The following PRR16 variants were observed in gnomAD, a reference collection of about 807,000 sequenced individuals.
PRR16 encodes the protein proline rich 16.
In PRR16, 6 loss-of-function variants were observed where a neutral mutation model predicts 18.2. That is an observed-to-expected ratio of 0.33 (90% confidence interval 0.18 to 0.65). The LOEUF is 0.65. Ranked by LOEUF, PRR16 falls within the 30% of genes least tolerant of loss-of-function variation. The pLI is 0.74. For synonymous variants in PRR16, 151 were observed against 147.8 expected (o/e 1.02, Z -0.16); for missense variants, 412 against 376.6 (o/e 1.09, Z -0.78).
chr5:120,671,786 G>A (rs1756614706), intron 1 of PRR16, among the ~76,000 whole-genome samples: 2 of 151,980 alleles, frequency 1.3e-5, no homozygotes, highest in African/African-American at 4.8e-5. Context: ...CTATGAAAGT[G>A]CCATACTTTT....
At chr5:120,584,296 A>G (rs1753367699) in intron 1 of PRR16, among the ~76,000 whole-genome samples, 1 of 152,208 alleles carries the variant, frequency 6.6e-6, no homozygotes, top group Admixed American at 6.5e-5. Flanking sequence ...ACTATCTTAG[A>G]GACTTGGTAA....
At chr5:120,633,796 A>C (rs1276447472) in intron 1 of PRR16, among the ~76,000 whole-genome samples, 1 of 12,530 alleles carries the variant, frequency 8.0e-5, no homozygotes, top group Non-Finnish European at 3.7e-4. Context: ...TTTGTAAAAC[A>C]GTTACTACTA....
chr5:120,570,202 T>C (rs1256498772), intron 1 of PRR16, among the ~76,000 whole-genome samples: 1 of 152,092 alleles, frequency 6.6e-6, no homozygotes, highest in East Asian at 1.9e-4. Context: ...GATCTCTAAA[T>C]GGCTTACCTA....
intron 1 of PRR16, among the ~76,000 whole-genome samples, chr5:120,549,513 G>C (rs1039248795): frequency 2.0e-5 from 3 of 151,836 alleles, no homozygotes; most frequent in Non-Finnish European, 2.9e-5. Context: ...ATCTCAGACT[G>C]GGTTGTAAGA....
chr5:120,743,627 G>C, the PRR16 span, among the ~76,000 whole-genome samples: 1 of 151,926 alleles, frequency 6.6e-6, no homozygotes, highest in Non-Finnish European at 1.5e-5. Flanking sequence ...TAATAGTTTT[G>C]TAGCAGATGT....
At chr5:120,760,505 C>A in the PRR16 span, among the ~76,000 whole-genome samples, 1 of 151,878 alleles carries the variant, frequency 6.6e-6, no homozygotes, top group Non-Finnish European at 1.5e-5. Context: ...AAACAAGAAA[C>A]CCCTTGTTTT....
intron 1 of PRR16, among the ~76,000 whole-genome samples, chr5:120,580,165 G>A (rs762941947): frequency 9.9e-5 from 15 of 152,138 alleles, no homozygotes; most frequent in African/African-American, 3.6e-4. Context: ...ATAAAATCAT[G>A]TCATCTGCAA....
At chr5:120,655,975 C>T (rs530606922) in intron 1 of PRR16, among the ~76,000 whole-genome samples, 1 of 151,668 alleles carries the variant, frequency 6.6e-6, no homozygotes, top group Non-Finnish European at 1.5e-5. Flanking sequence ...GTTACTGAAC[C>T]GAGCCTTTTA....
At chr5:120,773,065 C>T in the PRR16 span, among the ~76,000 whole-genome samples, 1 of 152,172 alleles carries the variant, frequency 6.6e-6, no homozygotes, top group Non-Finnish European at 1.5e-5. Flanking sequence ...ACTTCTGAAA[C>T]AAAGGAATGT....
chr5:120,654,012 C>T (rs1015441467), intron 1 of PRR16, among the ~76,000 whole-genome samples: 7 of 152,016 alleles, frequency 4.6e-5, no homozygotes, highest in Non-Finnish European at 1.0e-4. Context: ...AGGCAAATGA[C>T]CACCCTGTCC....
the PRR16 span, among the ~76,000 whole-genome samples, chr5:120,777,708 A>C: frequency 2.0e-5 from 3 of 152,116 alleles, no homozygotes; most frequent in Non-Finnish European, 4.4e-5. Context: ...TTCATTATAC[A>C]TACCACAGTG....
At chr5:120,507,941 C>CCA (rs1750699248) in intron 1 of PRR16, among the ~76,000 whole-genome samples, 1 of 152,042 alleles carries the variant, frequency 6.6e-6, no homozygotes, top group Admixed American at 6.6e-5. Context: ...ACTTGCCTAC[C>CCA]CACTATTTAT....
chr5:120,779,026 T>G, the PRR16 span, among the ~76,000 whole-genome samples: 2 of 152,190 alleles, frequency 1.3e-5, no homozygotes, highest in Non-Finnish European at 2.9e-5. Context: ...GAAGGTACTC[T>G]CATTCCACCA....
chr5:120,715,407 C>G, the PRR16 span, among the ~76,000 whole-genome samples: 4 of 152,174 alleles, frequency 2.6e-5, no homozygotes, highest in Non-Finnish European at 5.9e-5. Context: ...CACACACATT[C>G]TATTTATGGC....
At chr5:120,611,540 G>T (rs1193560610) in intron 1 of PRR16, among the ~76,000 whole-genome samples, 1 of 152,192 alleles carries the variant, frequency 6.6e-6, no homozygotes, top group African/African-American at 2.4e-5. Context: ...TTGGTTGAAA[G>T]GGGCCAATGT....
intron 1 of PRR16, among the ~76,000 whole-genome samples, chr5:120,670,776 A>G (rs997525126): frequency 6.6e-6 from 1 of 152,276 alleles, no homozygotes; most frequent in Non-Finnish European, 1.5e-5. Flanking sequence ...GTTGTGGAGG[A>G]TATTCCAAAG....
intron 1 of PRR16, among the ~76,000 whole-genome samples, chr5:120,604,143 C>T (rs58934261): frequency 0.013 from 1,956 of 151,666 alleles, 51 homozygotes; most frequent in African/African-American, 0.045. Flanking sequence ...TGTCTAACAC[C>T]GTCAGTGGAG....
the PRR16 span, among the ~76,000 whole-genome samples, chr5:120,758,883 T>G: frequency 1.3e-5 from 2 of 152,140 alleles, no homozygotes; most frequent in East Asian, 3.8e-4. Context: ...TATTTTTTAT[T>G]TTGAGCATAT....
intron 1 of PRR16, among the ~76,000 whole-genome samples, chr5:120,648,668 AG>A (rs540169443): frequency 5.6e-4 from 86 of 152,234 alleles, no homozygotes; most frequent in African/African-American, 2.0e-3. Context: ...CAACACTAAA[AG>A]TTTATTTTCT....
Sources: gnomAD v4.1 joint callset for allele counts (sites outside exome capture counted in the v4.1 genomes callset) on GRCh38, gnomAD v4.1.1 for gene constraint, MANE v1.5 for transcripts, NCBI Gene and HGNC (gene_info 2026-07-23, HGNC 2026-07-21) for gene names.